Variants in MME observed in about 807,000 individuals in gnomAD.
The protein encoded by MME is neprilysin.
In MME, 98 loss-of-function variants were observed where a neutral mutation model predicts 113.2. The ratio of observed to expected loss-of-function variants is 0.87; its 90% CI spans 0.74 to 1.02. MME has a LOEUF of 1.02. Among genes scored for constraint, MME ranks in the 50% least tolerant of loss-of-function variants. The pLI, the probability that MME is intolerant of heterozygous loss-of-function variation, is 0.00. For synonymous variants in MME, 292 were observed against 300.6 expected (o/e 0.97, Z 0.30); for missense variants, 836 against 896.0 (o/e 0.93, Z 0.86).
rs770688391 is a variant in MME, at chr3:155,180,499, A to G, written c.*40A>G. 2.7e-6 allele frequency: 4 copies of G among 1,466,224 alleles called. No homozygotes were observed. Among genetic ancestry groups the G allele is most frequent in the Non-Finnish European group, 3.8e-6 (4 of 1,045,740 alleles). 90.8% of individuals were successfully genotyped at this position (1,466,224 alleles called of 1,614,324 possible). A position where few individuals can be genotyped will look rare whatever the true frequency, so the allele number is the denominator to read the frequency against. ...ATTGCAGCCCTTGGCTAGACTTGCC[A>G]ACACCACAGAAATGGGGAATTCTCT... On this transcript the variant is annotated 3_prime_UTR_variant, in exon 23 of 23. Coordinates refer to ENST00000360490, the MANE Select transcript of MME (RefSeq NM_007289.4).
At chr3:155,142,776 C>T (rs1040746601) in intron 12 of MME, among the ~76,000 whole-genome samples, 4 of 152,034 alleles carry the variant, frequency 2.6e-5, no homozygotes, top group East Asian at 1.9e-4. Context: ...TTTTCTTAGC[C>T]TATACCTATA....
At chr3:155,071,895 C>T (rs1414506451) in intron 1 of MME, among the ~76,000 whole-genome samples, 5 of 152,184 alleles carry the variant, frequency 3.3e-5, no homozygotes, top group African/African-American at 1.2e-4. Flanking sequence ...GGCGCGGTGG[C>T]TCACGCCTGT....
chr3:155,164,003 G>C (rs556125867), intron 17 of MME, among the ~76,000 whole-genome samples: 44 of 151,896 alleles, frequency 2.9e-4, no homozygotes, highest in Non-Finnish European at 5.6e-4. Flanking sequence ...AATTAACTGG[G>C]CATGGTGGTG....
At chr3:155,138,367 A>T in intron 9 of MME, 131 bp downstream of exon 9, 1 of 896,978 alleles carries the variant, frequency 1.1e-6, no homozygotes, top group Non-Finnish European at 1.7e-6. Context: ...GCTTGGTAAT[A>T]GATCATTGAC....
At chr3:155,070,525 A>C (rs1232308156) in intron 1 of MME, among the ~76,000 whole-genome samples, 1 of 152,186 alleles carries the variant, frequency 6.6e-6, no homozygotes, top group Non-Finnish European at 1.5e-5. Context: ...CAGCTGATGA[A>C]AAGGATTAAG....
intron 1 of MME, among the ~76,000 whole-genome samples, chr3:155,055,442 T>C (rs1713892591): frequency 1.3e-5 from 2 of 151,856 alleles, no homozygotes; most frequent in Non-Finnish European, 2.9e-5. Flanking sequence ...TGCAAAAATA[T>C]AAAAATTAGC....
intron 8 of MME, among the ~76,000 whole-genome samples, chr3:155,125,391 G>A (rs1043011967): frequency 2.7e-5 from 4 of 147,734 alleles, no homozygotes; most frequent in Admixed American, 6.9e-5. Context: ...CGTTGCTCAC[G>A]CTGGGAGCTG....
At chr3:155,089,889 G>A (rs534635718) in intron 3 of MME, 3 of 451,102 alleles carry the variant, frequency 6.7e-6, no homozygotes, top group Admixed American at 2.4e-5. Context: ...GAACCCAGGA[G>A]GCAGAGGTTG....
rs1722361709 is a variant in MME at position 155,156,954 on chromosome 3, C to T, written c.1602-3436C>T. ...ATACCCAAAAGGCTATAGGATCAGT[C>T]TGTTGTCTTCTGCTTTTCTTCCCAG... is the stretch of plus-strand genomic sequence containing the variant. On this transcript the variant is annotated intron_variant, in intron 16 of 22. Coordinates refer to ENST00000360490, the MANE Select transcript of MME (RefSeq NM_007289.4). Among the ~76,000 whole-genome samples, 3 of 152,156 alleles carry T rather than the reference C, an allele frequency of 2.0e-5. No individual in the cohort carries two copies. In the South Asian group the frequency reaches 6.2e-4, roughly 32 times the overall value.
chr3:155,116,778 TA>T lies in MME; in HGVS notation c.535+25del. ...AAATATGGTAAGGCAATTTTCCTACTAAAAAAGAAATTTCCATGTAAAATCT... is the reference window on the plus strand; with the variant it reads ...AAATATGGTAAGGCAATTTTCCTACTAAAAAGAAATTTCCATGTAAAATCT... On this transcript the variant is annotated intron_variant, in intron 6 of 22. Coordinates refer to ENST00000360490, the MANE Select transcript of MME (RefSeq NM_007289.4). 6.2e-7 allele frequency: 1 copy of T among 1,601,416 alleles called. No individual in the cohort carries two copies. Among genetic ancestry groups the T allele is most frequent in the Non-Finnish European group, 8.6e-7 (1 of 1,168,846 alleles).
chr3:155,135,522 G>T (rs1223543031), intron 8 of MME, among the ~76,000 whole-genome samples: 1 of 152,094 alleles, frequency 6.6e-6, no homozygotes, highest in Non-Finnish European at 1.5e-5. Flanking sequence ...AGACCATGCT[G>T]TTTTGACTAC....
At chr3:155,177,959 A>G (rs1048008698) in intron 22 of MME, among the ~76,000 whole-genome samples, 13 of 151,958 alleles carry the variant, frequency 8.6e-5, no homozygotes, top group African/African-American at 3.1e-4. Flanking sequence ...TTTCCTTCCA[A>G]TGCTCATGAG....
chr3:155,055,731 A>T (rs547908038), intron 1 of MME, among the ~76,000 whole-genome samples: 1 of 152,338 alleles, frequency 6.6e-6, no homozygotes, highest in Non-Finnish European at 1.5e-5. Context: ...AAGGAGCCCA[A>T]AGAGGTCCCT....
chr3:155,159,837 A>G (rs1479548407), intron 16 of MME, among the ~76,000 whole-genome samples: 3 of 152,076 alleles, frequency 2.0e-5, no homozygotes, highest in Non-Finnish European at 4.4e-5. Flanking sequence ...TCTTTGCTCA[A>G]TTAGCTGGAA....
intron 1 of MME, among the ~76,000 whole-genome samples, chr3:155,060,070 A>G (rs1471788227): frequency 1.3e-5 from 2 of 152,184 alleles, no homozygotes; most frequent in Non-Finnish European, 2.9e-5. Context: ...CTTGCCACTT[A>G]AAATTACTTT....
chr3:155,128,680 C>T (rs9882981), intron 8 of MME, among the ~76,000 whole-genome samples: 19,211 of 151,152 alleles, frequency 0.13, 1,362 homozygotes, highest in Middle Eastern at 0.21. Flanking sequence ...TATTTAATGT[C>T]TTTTTTTTTC....
chr3:155,117,170 C>T (rs898641854), intron 7 of MME, among the ~76,000 whole-genome samples, 184 bp downstream of exon 7: 1 of 152,176 alleles, frequency 6.6e-6, no homozygotes, highest in African/African-American at 2.4e-5. Context: ...TTTCTTAATG[C>T]TGTTTTCGAC....
At chr3:155,049,214 C>T (rs982823819) in intron 1 of MME, among the ~76,000 whole-genome samples, 1 of 152,104 alleles carries the variant, frequency 6.6e-6, no homozygotes, top group African/African-American at 2.4e-5. Context: ...TAGAAATAGT[C>T]TTTCCAGATG....
chr3:155,063,394 ATATATTTTATATTT>A (rs1208474992), intron 1 of MME, among the ~76,000 whole-genome samples: 1 of 109,568 alleles, frequency 9.1e-6, no homozygotes, highest in African/African-American at 3.8e-5. Context: ...TATATTTCAT[ATATATTTTATATTT>A]TATATTTTAT....
Sources: gnomAD v4.1 joint callset for allele counts (sites outside exome capture counted in the v4.1 genomes callset) on GRCh38, gnomAD v4.1.1 for gene constraint, MANE v1.5 for transcripts, NCBI Gene and HGNC (gene_info 2026-07-23, HGNC 2026-07-21) for gene names.